NFIL3: variants seen among roughly 807,000 people sequenced by gnomAD.
The protein encoded by NFIL3 is nuclear factor, interleukin 3 regulated.
In NFIL3, 5 loss-of-function variants were observed where a neutral mutation model predicts 10.0. The ratio of observed to expected loss-of-function variants is 0.50; its 90% confidence interval spans 0.26 to 1.06. The LOEUF is 1.06. Ranked by LOEUF, NFIL3 falls within the 50% of genes least tolerant of loss-of-function variation. The pLI, the probability that NFIL3 is intolerant of heterozygous loss-of-function variation, is 0.13. For missense variants in NFIL3, 436 were observed against 547.6 expected (o/e 0.80, Z 2.03); for synonymous variants, 202 against 206.5 (o/e 0.98, Z 0.19).
the NFIL3 span, among the ~76,000 whole-genome samples, chr9:91,448,555 C>T: frequency 6.6e-6 from 1 of 152,118 alleles, no homozygotes; most frequent in Non-Finnish European, 1.5e-5. Context: ...CCCACTAGGC[C>T]CCACCTCCCA....
At chr9:91,468,891 GTCTTTA>G in the NFIL3 span, among the ~76,000 whole-genome samples, 3 of 152,080 alleles carry the variant, frequency 2.0e-5, no homozygotes, top group African/African-American at 7.2e-5. Context: ...TGTTCCATTG[GTCTTTA>G]TCTCTGTTTT....
chr9:91,418,307 A>G (rs1833696949), intron 1 of NFIL3, among the ~76,000 whole-genome samples: 1 of 152,228 alleles, frequency 6.6e-6, no homozygotes, highest in African/African-American at 2.4e-5. Flanking sequence ...ACTTCTGAAA[A>G]GATAACTGAT....
chr9:91,448,211 G>C, the NFIL3 span, among the ~76,000 whole-genome samples: 1 of 151,600 alleles, frequency 6.6e-6, no homozygotes, highest in African/African-American at 2.4e-5. Flanking sequence ...TGTTCATTTT[G>C]GGTTGCTATA....
At chr9:91,482,289 T>C in the NFIL3 span, among the ~76,000 whole-genome samples, 4 of 151,574 alleles carry the variant, frequency 2.6e-5, no homozygotes, top group Admixed American at 2.0e-4. Context: ...TCCAGTTTTA[T>C]AAAACAGGAA....
chr9:91,410,911 A>G lies in NFIL3; in HGVS notation c.-172-5T>C. The stretch of plus-strand genomic sequence containing the variant: ...AAGTTGGGCCTCCTTCGTTATCTGC[A>G]ATACATGAATAAAAAAAAAACCAGT... On this transcript the variant is annotated splice_polypyrimidine_tract_variant and splice_region_variant and intron_variant, in intron 1 of 1. Transcript: ENST00000297689. This position sits in a 1 kb window ranked among gnomAD's most constrained non-coding sequence, Gnocchi z 5.7. 3.7e-6 allele frequency: 2 copies of G among 545,110 alleles called. No individual in the cohort carries two copies. The highest frequency in any genetic ancestry group is 3.2e-6 in the Non-Finnish European group (1 of 312,348). The allele number at this position is 545,110 out of a possible 1,614,324, so 33.8% of individuals were successfully genotyped here.
At chr9:91,461,553 G>T in the NFIL3 span, among the ~76,000 whole-genome samples, 1 of 152,108 alleles carries the variant, frequency 6.6e-6, no homozygotes, top group Non-Finnish European at 1.5e-5. Flanking sequence ...CACTCCCTCC[G>T]GAGGCTCTTG....
the NFIL3 span, among the ~76,000 whole-genome samples, chr9:91,437,501 A>G: frequency 6.6e-6 from 1 of 152,220 alleles, no homozygotes; most frequent in African/African-American, 2.4e-5. Flanking sequence ...CACTTTTGTT[A>G]GTTTTTGTGG....
the NFIL3 span, among the ~76,000 whole-genome samples, chr9:91,458,036 C>G: frequency 6.6e-6 from 1 of 151,534 alleles, no homozygotes; most frequent in African/African-American, 2.4e-5. Context: ...TTATATTGTT[C>G]TTTTTATATA....
At chr9:91,475,355 G>A in the NFIL3 span, among the ~76,000 whole-genome samples, 1 of 152,186 alleles carries the variant, frequency 6.6e-6, no homozygotes, top group Non-Finnish European at 1.5e-5. Flanking sequence ...ATGGATAGAT[G>A]TAAACATAAA....
Position 91,409,329 on chromosome 9 carries a change from T to A in NFIL3, c.*17A>T, listed in dbSNP as rs1564153993. ...AATGACATCTTTCTAAATGCCCAGCTCTTACTCAGTAGTAATTTACCCAGA... is the reference window on the plus strand; with the variant it reads ...AATGACATCTTTCTAAATGCCCAGCACTTACTCAGTAGTAATTTACCCAGA... On this transcript the variant is annotated 3_prime_UTR_variant, in exon 2 of 2. Transcript: ENST00000297689. 1 of 1,536,012 alleles carries A rather than the reference T, an allele frequency of 6.5e-7. No homozygotes were observed. Among genetic ancestry groups the A allele is most frequent in the East Asian group, 2.3e-5 (1 of 44,262 alleles).
the NFIL3 span, among the ~76,000 whole-genome samples, chr9:91,453,304 T>C: frequency 6.6e-6 from 1 of 152,032 alleles, no homozygotes; most frequent in East Asian, 1.9e-4. Context: ...AAAGACTCTA[T>C]CCCCAAGTCT....
chr9:91,445,482 G>A, the NFIL3 span, among the ~76,000 whole-genome samples: 4 of 152,178 alleles, frequency 2.6e-5, no homozygotes, highest in Admixed American at 6.5e-5. Context: ...CAGTTTTAGG[G>A]AGGCAGGGCC....
the NFIL3 span, among the ~76,000 whole-genome samples, chr9:91,483,232 C>T: frequency 5.9e-4 from 90 of 152,304 alleles, no homozygotes; most frequent in Middle Eastern, 3.4e-3. Context: ...TCCCTCCCGT[C>T]CTATGTTTCC....
the NFIL3 span, among the ~76,000 whole-genome samples, chr9:91,477,915 T>C: frequency 6.6e-6 from 1 of 152,184 alleles, no homozygotes; most frequent in African/African-American, 2.4e-5. Context: ...TGAAGCTTGG[T>C]TTGGCTGGAT....
chr9:91,452,279 G>C, the NFIL3 span, among the ~76,000 whole-genome samples: 1 of 152,170 alleles, frequency 6.6e-6, no homozygotes, highest in Non-Finnish European at 1.5e-5. Flanking sequence ...CACAACACCT[G>C]TCATCATAGC....
the NFIL3 span, among the ~76,000 whole-genome samples, chr9:91,429,419 G>A: frequency 6.6e-6 from 1 of 152,126 alleles, no homozygotes; most frequent in African/African-American, 2.4e-5. Flanking sequence ...TGCAAATGTG[G>A]CATTTGCAGC....
At position 91,409,684 on chromosome 9, in the gene NFIL3, G is replaced by C; in HGVS notation, c.1051C>G (p.Leu351Val). 6.2e-7 allele frequency: 1 copy of C among 1,614,188 alleles called. No individual in the cohort carries two copies. The highest frequency in any genetic ancestry group is 1.1e-5 in the South Asian group (1 of 91,082). The change falls in exon 2 of 2, where the codon CTT becomes GTT. Residue 351 changes from leucine (L) to valine (V), a missense_variant. Physicochemically the swap from Leu to Val is conservative, Grantham distance 32. Coordinates refer to ENST00000297689, the MANE Select transcript of NFIL3 (RefSeq NM_005384.3). ...FDNEFEATQK[L>V]SSPIDMTSKR... ...GATGTCATGTCAATAGGTGAGGAAA[G>C]TTTTTGCGTGGCCTCAAATTCATTA... is the stretch of plus-strand genomic sequence containing the variant.
At chr9:91,475,730 A>G in the NFIL3 span, among the ~76,000 whole-genome samples, 1 of 152,250 alleles carries the variant, frequency 6.6e-6, no homozygotes, top group East Asian at 1.9e-4. Flanking sequence ...AATGTTGGAA[A>G]TGAGAAAGGC....
upstream of NFIL3, among the ~76,000 whole-genome samples, chr9:91,425,123 C>T (rs1162611010): frequency 6.6e-6 from 1 of 152,186 alleles, no homozygotes; most frequent in Non-Finnish European, 1.5e-5. Flanking sequence ...CACCAGCCAG[C>T]TCCCTCCTGG....
Sources: allele counts gnomAD v4.1 joint callset (sites outside exome capture counted in the v4.1 genomes callset), GRCh38; gene constraint gnomAD v4.1.1; non-coding constraint Gnocchi (gnomAD v3.1); transcripts MANE v1.5; gene names NCBI Gene and HGNC (gene_info 2026-07-23, HGNC 2026-07-21).